The following VAC14 variants were observed in gnomAD, a reference collection of about 807,000 sequenced individuals.
The protein encoded by VAC14 is VAC14 component of PIKFYVE complex, also known as protein VAC14 homolog.
Under a neutral mutation model 85.3 loss-of-function variants are expected in VAC14, and 47 were observed. The observed-to-expected ratio is 0.55, with a 90% CI of 0.44 to 0.70. The LOEUF (loss-of-function observed/expected upper bound fraction) is 0.70. Among genes scored for constraint, VAC14 ranks in the 30% least tolerant of loss-of-function variants. The probability of loss-of-function intolerance (pLI) is 0.00; values close to 1 mark genes in which losing one functional copy is unlikely to be tolerated. For missense variants in VAC14, 861 were observed against 1,004.3 expected, an observed-to-expected ratio of 0.86 and a Z score of 1.93; for synonymous variants, 447 against 430.5, an observed-to-expected ratio of 1.04 and a Z score of -0.47.
intron 18 of VAC14, chr16:70,688,294 A>G: frequency 1.6e-6 from 2 of 1,223,184 alleles, no homozygotes; most frequent in Non-Finnish European, 1.0e-6. Flanking sequence ...AGTTGGTGGG[A>G]ACAGCTAACA....
intron 16 of VAC14, chr16:70,696,899 G>C: frequency 2.2e-6 from 1 of 453,750 alleles, no homozygotes; most frequent in African/African-American, 2.0e-5. Context: ...CCAACCCACA[G>C]GGTTTCTCCC....
intron 13 of VAC14, among the ~76,000 whole-genome samples, chr16:70,743,260 T>C (rs1240405718): frequency 6.6e-6 from 1 of 152,170 alleles, no homozygotes. Flanking sequence ...TAAAGGATTG[T>C]AAACGTACCA....
intron 12 of VAC14, among the ~76,000 whole-genome samples, chr16:70,761,630 C>G (rs916859593): frequency 6.6e-6 from 1 of 152,188 alleles, no homozygotes; most frequent in Non-Finnish European, 1.5e-5. Context: ...GCCCAGATGA[C>G]AGGAAGAGCC....
At chr16:70,772,393 G>A (rs1025925125) in intron 9 of VAC14, 1 of 546,158 alleles carries the variant, frequency 1.8e-6, no homozygotes, top group Non-Finnish European at 3.3e-6. Context: ...ATCTCACAAG[G>A]AGGGGACACC....
chr16:70,693,320 C>T (rs192571388), intron 17 of VAC14, among the ~76,000 whole-genome samples: 8 of 152,244 alleles, frequency 5.3e-5, no homozygotes, highest in Admixed American at 2.6e-4. Context: ...TCCCGCCCCC[C>T]GCTCAGCTGC....
intron 1 of VAC14, among the ~76,000 whole-genome samples, chr16:70,800,587 A>G (rs191071147): frequency 0.041 from 6,305 of 152,250 alleles, 450 homozygotes; most frequent in African/African-American, 0.14. Context: ...TGGCACCGGG[A>G]GGTTAAAAAG....
intron 13 of VAC14, among the ~76,000 whole-genome samples, chr16:70,741,377 G>A (rs560920252): frequency 2.8e-4 from 42 of 152,248 alleles, no homozygotes; most frequent in Admixed American, 4.6e-4. Context: ...GTGCCCTCCC[G>A]GGGCAGCGGA....
At chr16:70,704,486 C>T (rs1038164724) in intron 14 of VAC14, among the ~76,000 whole-genome samples, 9 of 152,250 alleles carry the variant, frequency 5.9e-5, no homozygotes, top group Admixed American at 6.5e-5. Flanking sequence ...TACCCCCCAA[C>T]ACCCCTCCTG....
At chr16:70,739,458 C>G (rs1056716931) in intron 13 of VAC14, among the ~76,000 whole-genome samples, 1 of 152,200 alleles carries the variant, frequency 6.6e-6, no homozygotes, top group Non-Finnish European at 1.5e-5. Context: ...GGAGAGATGC[C>G]CCCATCACTG....
At chr16:70,761,022 TGGGGGGGCGGGG>T (rs2032324436) in intron 12 of VAC14, 1 of 190,064 alleles carries the variant, frequency 5.3e-6, no homozygotes, top group Non-Finnish European at 1.1e-5. Context: ...TGTGTGTGCA[TGGGGGGGCGGGG>T]GGTAGGCAGG....
intron 12 of VAC14, among the ~76,000 whole-genome samples, chr16:70,756,406 C>T (rs1371286748): frequency 1.3e-5 from 2 of 152,352 alleles, no homozygotes; most frequent in East Asian, 3.9e-4. Context: ...CGATCCATTT[C>T]TCCTGGGACC....
intron 14 of VAC14, chr16:70,715,108 A>G (rs8054653): frequency 0.64 from 97,579 of 152,212 alleles, 32,320 homozygotes; most frequent in Non-Finnish European, 0.69. Context: ...CCTCAGAGGT[A>G]AGGCCACCAG....
chr16:70,778,078 T>G (rs530456603), intron 9 of VAC14, among the ~76,000 whole-genome samples: 24 of 152,322 alleles, frequency 1.6e-4, no homozygotes, highest in Non-Finnish European at 2.2e-4. Context: ...TTTCATCTGC[T>G]GAAATGCTGT....
intron 13 of VAC14, among the ~76,000 whole-genome samples, chr16:70,738,288 T>C (rs759728199): frequency 7.9e-5 from 12 of 152,058 alleles, no homozygotes; most frequent in Non-Finnish European, 1.5e-4. Context: ...GCCGCCGCAA[T>C]GGCACCAACT....
At chr16:70,786,042 G>T in intron 2 of VAC14, 173 bp from the exon 3 acceptor site, 2 of 1,347,608 alleles carry the variant, frequency 1.5e-6, no homozygotes, top group South Asian at 1.4e-5. Flanking sequence ...CATGCCTAGG[G>T]GACCAGGCTG....
intron 14 of VAC14, among the ~76,000 whole-genome samples, chr16:70,730,637 G>A (rs868798880): frequency 7.7e-6 from 1 of 129,912 alleles, no homozygotes. Flanking sequence ...TTGCTCTTTC[G>A]CCCAGGCTGG....
chr16:70,779,012 A>T (rs903550830), intron 9 of VAC14: 1 of 152,210 alleles, frequency 6.6e-6, no homozygotes, highest in South Asian at 2.1e-4. Flanking sequence ...TTCTTTTTCC[A>T]GGAGCTGCCA....
intron 1 of VAC14, among the ~76,000 whole-genome samples, chr16:70,795,308 T>C (rs944176391): frequency 6.6e-6 from 1 of 151,506 alleles, no homozygotes. Flanking sequence ...CTACTAAAAA[T>C]TAAAACAACA....
chr16:70,695,807 C>T (rs1290725147), intron 16 of VAC14, 184 bp from the exon 17 acceptor site: 2 of 573,136 alleles, frequency 3.5e-6, no homozygotes, highest in African/African-American at 3.7e-5. Flanking sequence ...CTAAATGGAA[C>T]TCCCCTGTTC....
Sources: allele counts gnomAD v4.1 joint callset (sites outside exome capture counted in the v4.1 genomes callset), GRCh38; gene constraint gnomAD v4.1.1; transcripts MANE v1.5; gene names NCBI Gene and HGNC (gene_info 2026-07-23, HGNC 2026-07-21).